The following PAK1 variants were observed in gnomAD, a reference collection of about 807,000 sequenced individuals.
The protein encoded by PAK1 is serine/threonine-protein kinase PAK 1.
In PAK1, 29 loss-of-function variants were observed where a neutral mutation model predicts 67.4. The observed-to-expected ratio is 0.43, with a 90% CI of 0.32 to 0.59. PAK1 has a LOEUF of 0.59. PAK1 is among the 20% of genes least tolerant of loss of function. The pLI, the probability that PAK1 is intolerant of heterozygous loss-of-function variation, is 0.07. For synonymous variants in PAK1, 223 were observed against 237.4 expected, an observed-to-expected ratio of 0.94 and a Z score of 0.56; for missense variants, 337 against 670.7, an observed-to-expected ratio of 0.50 and a Z score of 5.50.
the PAK1 span, among the ~76,000 whole-genome samples, chr11:77,489,673 G>A: frequency 1.3e-5 from 2 of 151,872 alleles, no homozygotes; most frequent in South Asian, 4.2e-4. Flanking sequence ...CTGGTCTCCA[G>A]CTCCTAACCG....
At chr11:77,510,207 G>A in the PAK1 span, among the ~76,000 whole-genome samples, 2 of 152,146 alleles carry the variant, frequency 1.3e-5, no homozygotes, top group Admixed American at 6.5e-5. Context: ...ATATTAAGAC[G>A]TGTACTTTGT....
At chr11:77,378,625 G>A (rs1471384327) in intron 4 of PAK1, among the ~76,000 whole-genome samples, 4 of 152,100 alleles carry the variant, frequency 2.6e-5, no homozygotes, top group East Asian at 3.9e-4. Flanking sequence ...GTCTCACTCT[G>A]TTGCCCAGGC....
In PAK1 at chr11:77,336,023, T is replaced by C. The variant is rs1591722768; in HGVS notation, c.1413+63A>G. The stretch of plus-strand genomic sequence containing the variant: ...GAAAACCACAGAGAACACCCTGGAT[T>C]CTTATTTCCTGGGACTAGAGACAAC... On this transcript the variant is annotated intron_variant, in intron 13 of 14. Transcript: ENST00000356341. 8 of 1,053,870 alleles carry C rather than the reference T, an allele frequency of 7.6e-6. No individual in the cohort carries two copies. The East Asian group carries it at 1.7e-4, about 22-fold the overall frequency. 65.3% of individuals were successfully genotyped at this position (1,053,870 alleles called of 1,614,324 possible).
At chr11:77,495,886 G>T in the PAK1 span, among the ~76,000 whole-genome samples, 8 of 152,124 alleles carry the variant, frequency 5.3e-5, no homozygotes, top group Admixed American at 5.2e-4. Flanking sequence ...GGGATGGGCT[G>T]CAGGGGAGAG....
intron 1 of PAK1, among the ~76,000 whole-genome samples, chr11:77,418,991 A>C (rs1955116148): frequency 1.3e-5 from 2 of 152,248 alleles, no homozygotes; most frequent in Non-Finnish European, 2.9e-5. Flanking sequence ...GATCAAATTC[A>C]GACATCTTCT....
Position 77,322,875 on chromosome 11 carries a change from A to G in PAK1, c.*399T>C. ...TGAGTCACAGAAAAGCAAGCACTAA[A>G]GAAATCTCAATTGATTACAAATTGA... is the stretch of plus-strand genomic sequence containing the variant. On this transcript the variant is annotated 3_prime_UTR_variant, in exon 15 of 15. Coordinates refer to ENST00000356341, the MANE Select transcript of PAK1 (RefSeq NM_002576.5). 1 of 524,338 alleles carries G rather than the reference A, an allele frequency of 1.9e-6. No homozygotes were observed. 32.5% of individuals were successfully genotyped at this position (524,338 alleles called of 1,614,324 possible).
At chr11:77,354,616 C>T (rs1437334997) in intron 7 of PAK1, among the ~76,000 whole-genome samples, 1 of 152,160 alleles carries the variant, frequency 6.6e-6, no homozygotes, top group East Asian at 1.9e-4. Flanking sequence ...AGACTACATA[C>T]AGGAGTAAAC....
intron 2 of PAK1, among the ~76,000 whole-genome samples, chr11:77,383,111 C>T (rs1950039880): frequency 6.6e-6 from 1 of 152,214 alleles, no homozygotes; most frequent in Admixed American, 6.5e-5. Context: ...GAGCACAGGA[C>T]TGTAGTCTAC....
At chr11:77,389,201 T>C (rs1229140017) in intron 2 of PAK1, among the ~76,000 whole-genome samples, 2 of 152,248 alleles carry the variant, frequency 1.3e-5, no homozygotes, top group Non-Finnish European at 2.9e-5. Flanking sequence ...CCTTTGTAAC[T>C]GGCTTCTTTC....
chr11:77,372,430 C>A (rs1342340786), intron 5 of PAK1, among the ~76,000 whole-genome samples: 1 of 152,120 alleles, frequency 6.6e-6, no homozygotes, highest in Non-Finnish European at 1.5e-5. Context: ...TGTGAGGATT[C>A]AGAGAGTCAG....
At chr11:77,428,624 T>C (rs1565696010) in intron 1 of PAK1, among the ~76,000 whole-genome samples, 1 of 149,672 alleles carries the variant, frequency 6.7e-6, no homozygotes, top group Non-Finnish European at 1.5e-5. Context: ...CCCAACACTG[T>C]GGTCAGACCT....
rs116238147 is a variant in PAK1, at chr11:77,349,275, G to A, written c.849C>T (p.Thr283=). The change falls in exon 9 of 15, where the codon ACC becomes ACT. Residue 283 remains threonine, a synonymous_variant. Transcript: ENST00000356341. ...TGGCCACATCCATTGCTGTGTACAC[G>A]GTGCCTGAAGCACTGAACAGTAAGG... ...FEKIGQGASG[T]VYTAMDVATG... The A allele has an allele frequency of 5.1e-5, 81 of 1,599,902 alleles. No individual in the cohort carries two copies. The highest frequency in any genetic ancestry group is 3.3e-4 in the Middle Eastern group (2 of 6,042).
chr11:77,436,058 C>T (rs1055934070), intron 1 of PAK1, among the ~76,000 whole-genome samples: 8 of 152,184 alleles, frequency 5.3e-5, no homozygotes, highest in African/African-American at 1.7e-4. Context: ...CTGCCTTCTT[C>T]CTCTATAATC....
chr11:77,477,580 A>AAAAAAAAAAAAAC (rs1958073098), upstream of PAK1, among the ~76,000 whole-genome samples: 1 of 148,152 alleles, frequency 6.7e-6, no homozygotes. Flanking sequence ...AAAAAAAAAA[A>AAAAAAAAAAAAAC]CCCAAATACA....
chr11:77,362,248 A>G (rs1416092576), intron 5 of PAK1, among the ~76,000 whole-genome samples: 1 of 152,160 alleles, frequency 6.6e-6, no homozygotes, highest in Admixed American at 6.5e-5. Flanking sequence ...TACACTGGAA[A>G]CTTCTTTGTA....
intron 1 of PAK1, among the ~76,000 whole-genome samples, chr11:77,443,909 C>A (rs116697236): frequency 5.6e-4 from 85 of 152,208 alleles, no homozygotes; most frequent in African/African-American, 2.0e-3. Flanking sequence ...ATAAAACACC[C>A]CTCACATTTA....
At chr11:77,465,713 C>T (rs1416127932) in intron 1 of PAK1, among the ~76,000 whole-genome samples, 1 of 152,036 alleles carries the variant, frequency 6.6e-6, no homozygotes, top group African/African-American at 2.4e-5. Context: ...CCTGTAATTC[C>T]AGCACGTTGG....
At chr11:77,434,676 T>C (rs1956030414) in intron 1 of PAK1, among the ~76,000 whole-genome samples, 1 of 151,992 alleles carries the variant, frequency 6.6e-6, no homozygotes, top group Non-Finnish European at 1.5e-5. Context: ...TGGAGTGCAG[T>C]AGCATGATGT....
intron 11 of PAK1, 149 bp downstream of exon 11, chr11:77,340,497 C>T (rs1363006190): frequency 1.6e-5 from 10 of 623,786 alleles, no homozygotes; most frequent in Non-Finnish European, 2.3e-5. Context: ...ATGACAAACA[C>T]AGGTACAATA....
Sources: gnomAD v4.1 joint callset for allele counts (sites outside exome capture counted in the v4.1 genomes callset) on GRCh38, gnomAD v4.1.1 for gene constraint, MANE v1.5 for transcripts, NCBI Gene and HGNC (gene_info 2026-07-23, HGNC 2026-07-21) for gene names.